ABI2: variants seen among roughly 807,000 people sequenced by gnomAD.
ABI2 encodes abl interactor 2, also known as abelson interactor 2.
In ABI2, 25 loss-of-function variants were observed where a neutral mutation model predicts 59.2. That is an observed-to-expected ratio of 0.42 (90% CI 0.31 to 0.59). The LOEUF is 0.59. Ranked by LOEUF, ABI2 falls within the 20% of genes least tolerant of loss-of-function variation. The pLI is 0.14. For missense variants in ABI2, 545 were observed against 681.8 expected (o/e 0.80, Z 2.23); for synonymous variants, 213 against 235.5 (o/e 0.90, Z 0.87).
intron 10 of ABI2, among the ~76,000 whole-genome samples, chr2:203,413,241 A>C (rs1445962576): frequency 6.6e-6 from 1 of 152,254 alleles, no homozygotes; most frequent in Non-Finnish European, 1.5e-5. Flanking sequence ...TTGTATAGCA[A>C]CTAAGTGGTT....
chr2:203,400,947 C>T (rs1243029168), intron 8 of ABI2, among the ~76,000 whole-genome samples: 10 of 152,166 alleles, frequency 6.6e-5, no homozygotes, highest in Non-Finnish European at 7.4e-5. Flanking sequence ...AAGATTTCAA[C>T]AAATCAAGCA....
rs187198211 is a variant in ABI2 at position 203,370,769 on chromosome 2, G to T, written c.285+3725G>T. Among the ~76,000 whole-genome samples, 112 of 152,224 alleles carry T rather than the reference G, an allele frequency of 7.4e-4. No homozygotes were observed. In the East Asian group the frequency reaches 0.021, roughly 29 times the overall value. ...GAAGATTGAGTTGAAGGAATGGAGG[G>T]TTCAGTCAGGTCAAAGACAAGATCA... is the stretch of plus-strand genomic sequence containing the variant. On this transcript the variant is annotated intron_variant, in intron 2 of 11. Transcript: ENST00000261018.
chr2:203,328,513 A>G lies in ABI2; in HGVS notation c.-2A>G. The G allele has an allele frequency of 6.2e-7, 1 of 1,602,648 alleles. No homozygotes were observed. Among genetic ancestry groups the G allele is most frequent in the East Asian group, 2.3e-5 (1 of 43,714 alleles). On this transcript the variant is annotated 5_prime_UTR_variant, in exon 1 of 12. Transcript: ENST00000261018. ...GAGGAGGAGGAGGAGGAGGATGTGA[A>G]GATGGCGGAGCTGCAGATGCTGCTG...
chr2:203,422,278 ACT>A (rs780421251), intron 11 of ABI2, among the ~76,000 whole-genome samples: 5 of 151,872 alleles, frequency 3.3e-5, no homozygotes, highest in Admixed American at 6.6e-5. Flanking sequence ...GGACAGTAAG[ACT>A]CTGTCTCAAT....
intron 10 of ABI2, among the ~76,000 whole-genome samples, chr2:203,412,693 G>A (rs1331694886): frequency 6.6e-6 from 1 of 152,166 alleles, no homozygotes; most frequent in Non-Finnish European, 1.5e-5. Context: ...ACTGGCTCGA[G>A]GAGAAAACTG....
intron 9 of ABI2, 60 bp downstream of exon 9, chr2:203,402,794 CA>C (rs1451533089): frequency 7.2e-7 from 1 of 1,396,660 alleles, no homozygotes; most frequent in Non-Finnish European, 9.5e-7. Flanking sequence ...CCTTCAACTA[CA>C]AAAAACCCTT....
chr2:203,422,401 C>CT (rs2153584915), intron 11 of ABI2, among the ~76,000 whole-genome samples: 1 of 152,282 alleles, frequency 6.6e-6, no homozygotes, highest in Admixed American at 6.5e-5. Context: ...GATGGGTGCA[C>CT]TAACTGGGGC....
Position 203,382,200 on chromosome 2 carries a change from A to G in ABI2, c.474A>G (p.Arg158=). 4 of 1,527,576 alleles carry G rather than the reference A, an allele frequency of 2.6e-6. No individual in the cohort carries two copies. The highest frequency in any genetic ancestry group is 3.5e-6 in the Non-Finnish European group (4 of 1,142,994). The allele number at this position is 1,527,576 out of a possible 1,614,324, so 94.6% of individuals were successfully genotyped here. The part of the protein sequence containing the change: ...DIGHGVKWLL[R]FKVSTQNMKM... The stretch of plus-strand genomic sequence containing the variant: ...ATTTATGCATTAAGTGGTTGCTTAG[A>G]TTTAAGGTAAGAGATTCCAGGGCTG... Residue 158 remains arginine, a synonymous_variant, in exon 4 of 12, where the codon AGA becomes AGG. Coordinates refer to ENST00000261018, the MANE Select transcript of ABI2 (RefSeq NM_001375670.1).
chr2:203,375,296 T>G (rs909717147), intron 2 of ABI2, among the ~76,000 whole-genome samples: 2 of 152,232 alleles, frequency 1.3e-5, no homozygotes, highest in African/African-American at 4.8e-5. Flanking sequence ...TAATTGTGTA[T>G]TTGAATTAGT....
intron 9 of ABI2, among the ~76,000 whole-genome samples, chr2:203,408,984 G>A (rs920847055): frequency 2.5e-4 from 37 of 149,572 alleles, no homozygotes; most frequent in Non-Finnish European, 4.6e-4. Context: ...GACTACAGGC[G>A]CCCGCCACCG....
intron 5 of ABI2, among the ~76,000 whole-genome samples, chr2:203,392,278 C>T (rs977073927): frequency 1.1e-4 from 10 of 90,648 alleles, no homozygotes; most frequent in Non-Finnish European, 1.6e-4. Flanking sequence ...ACCACCATCA[C>T]CACCACCACC....
chr2:203,357,873 A>T (rs539800323), intron 1 of ABI2, among the ~76,000 whole-genome samples: 1 of 151,996 alleles, frequency 6.6e-6, no homozygotes, highest in Non-Finnish European at 1.5e-5. Context: ...GCTTCAAACG[A>T]TTCTCCTGCC....
intron 1 of ABI2, among the ~76,000 whole-genome samples, chr2:203,365,061 T>C (rs2094211955): frequency 6.6e-6 from 1 of 152,154 alleles, no homozygotes; most frequent in Non-Finnish European, 1.5e-5. Context: ...CTTTTGATAA[T>C]GGAAGTAATA....
intron 2 of ABI2, among the ~76,000 whole-genome samples, chr2:203,377,371 C>A (rs2095776749): frequency 6.6e-6 from 1 of 152,112 alleles, no homozygotes; most frequent in Non-Finnish European, 1.5e-5. Context: ...GCTTGTAATT[C>A]TGTTATGGCT....
chr2:203,348,907 G>T lies in ABI2; in HGVS notation c.118-17970G>T, dbSNP rs184197398. ...AAGCCCCCTGAACCTTGCTGAAGGT[G>T]TTTTTTTTTGTTTTTTGTTTGTTTG... On this transcript the variant is annotated intron_variant, in intron 1 of 11. Coordinates refer to ENST00000261018, the MANE Select transcript of ABI2 (RefSeq NM_001375670.1). 7.1e-3 allele frequency among the ~76,000 whole-genome samples: 1,074 copies of T among 150,304 alleles called. 14 individuals are homozygous for T. The highest frequency in any genetic ancestry group is 0.026 in the African/African-American group (1,053 of 41,006).
chr2:203,384,781 C>T (rs2096390024), intron 4 of ABI2, among the ~76,000 whole-genome samples: 1 of 151,074 alleles, frequency 6.6e-6, no homozygotes, highest in Admixed American at 6.6e-5. Flanking sequence ...AAACTTCTGA[C>T]TTTTAATGTA....
intron 1 of ABI2, among the ~76,000 whole-genome samples, chr2:203,337,946 CTT>C (rs888096983): frequency 1.3e-5 from 2 of 152,212 alleles, no homozygotes; most frequent in Non-Finnish European, 2.9e-5. Flanking sequence ...GGGAGAATCG[CTT>C]GAACCCAGGA....
chr2:203,330,379 T>G, intron 1 of ABI2, among the ~76,000 whole-genome samples: 1 of 124,728 alleles, frequency 8.0e-6, no homozygotes, highest in Non-Finnish European at 1.6e-5. Flanking sequence ...GCGATAAGAG[T>G]GAGACTACAT....
chr2:203,345,466 C>G (rs529657057), intron 1 of ABI2, among the ~76,000 whole-genome samples: 2 of 152,224 alleles, frequency 1.3e-5, no homozygotes, highest in African/African-American at 2.4e-5. Context: ...GGAACCAATT[C>G]CGGACACAAT....
Sources: gnomAD v4.1 joint callset for allele counts (sites outside exome capture counted in the v4.1 genomes callset) on GRCh38, gnomAD v4.1.1 for gene constraint, MANE v1.5 for transcripts, NCBI Gene and HGNC (gene_info 2026-07-23, HGNC 2026-07-21) for gene names.